Variants in PITPNC1 observed in about 807,000 individuals in gnomAD.
PITPNC1 encodes cytoplasmic phosphatidylinositol transfer protein 1.
Under a neutral mutation model 44.7 loss-of-function variants are expected in PITPNC1, and 18 were observed. The ratio of observed to expected loss-of-function variants is 0.40; its 90% CI spans 0.28 to 0.60. The LOEUF is 0.60. Among genes scored for constraint, PITPNC1 ranks in the 20% least tolerant of loss-of-function variants. The pLI, the probability that PITPNC1 is intolerant of heterozygous loss-of-function variation, is 0.39. For missense variants in PITPNC1, 290 were observed against 418.4 expected (o/e 0.69, Z 2.68); for synonymous variants, 141 against 149.6 (o/e 0.94, Z 0.42).
intron 1 of PITPNC1, among the ~76,000 whole-genome samples, chr17:67,384,424 TTC>T (rs1555645509): frequency 8.7e-6 from 1 of 114,720 alleles, no homozygotes; most frequent in Admixed American, 8.7e-5. Flanking sequence ...GTGTTCCTTG[TTC>T]TCTTTTTTTT....
chr17:67,575,511 C>T lies in PITPNC1; in HGVS notation c.295-2675C>T, dbSNP rs540919346. On this transcript the variant is annotated intron_variant, in intron 4 of 8. Transcript: ENST00000581322. ...GATTAAGACAGATGCGTGCTGAACG[C>T]GTCCTGGCATGTGATGTCAGGAGAA... 1.5e-4 allele frequency among the ~76,000 whole-genome samples: 23 copies of T among 152,250 alleles called. No homozygotes were observed. The East Asian group carries it at 3.9e-3, about 26-fold the overall frequency.
In PITPNC1 at chr17:67,653,274, G is replaced by GA. The variant is rs1465497301; in HGVS notation, c.463-16226dup. Among the ~76,000 whole-genome samples, 5 of 151,508 alleles carry GA rather than the reference G, an allele frequency of 3.3e-5. No individual in the cohort carries two copies. The South Asian group carries it at 6.3e-4, about 19-fold the overall frequency. On this transcript the variant is annotated intron_variant, in intron 6 of 8. Coordinates refer to ENST00000581322, the MANE Select transcript of PITPNC1 (RefSeq NM_012417.4). ...TGACACAGCAAGACTCTGTCTAAAAGAAAAAAAAGGTTGGGGGGAATTTGG... is the reference window on the plus strand; with the variant it reads ...TGACACAGCAAGACTCTGTCTAAAAGAAAAAAAAAGGTTGGGGGGAATTTGG...
intron 1 of PITPNC1, among the ~76,000 whole-genome samples, chr17:67,499,216 G>A (rs146596248): frequency 2.2e-4 from 33 of 151,700 alleles, no homozygotes; most frequent in South Asian, 2.1e-4. Context: ...TCCTTTGCCC[G>A]TTTTTATTTA....
intron 5 of PITPNC1, among the ~76,000 whole-genome samples, chr17:67,599,765 G>C (rs1271383509): frequency 6.6e-6 from 1 of 152,070 alleles, no homozygotes; most frequent in Non-Finnish European, 1.5e-5. Context: ...GAAAAGAATT[G>C]GATCAGAAGG....
chr17:67,677,572 CT>C (rs750613337), intron 8 of PITPNC1, among the ~76,000 whole-genome samples: 314 of 144,100 alleles, frequency 2.2e-3, no homozygotes, highest in African/African-American at 1.7e-3. Flanking sequence ...TTAGGGACTT[CT>C]TTTTTTTTTT....
intron 1 of PITPNC1, among the ~76,000 whole-genome samples, chr17:67,440,047 A>G (rs1028791986): frequency 6.6e-6 from 1 of 152,194 alleles, no homozygotes; most frequent in Non-Finnish European, 1.5e-5. Context: ...CTGTTGGCTT[A>G]ATTCAGGTGA....
chr17:67,534,152 C>T (rs1172824701), intron 2 of PITPNC1, among the ~76,000 whole-genome samples: 1 of 152,066 alleles, frequency 6.6e-6, no homozygotes, highest in Non-Finnish European at 1.5e-5. Flanking sequence ...GCTTCAGCCT[C>T]TCAAAGTGCT....
intron 1 of PITPNC1, among the ~76,000 whole-genome samples, chr17:67,474,672 A>AT (rs1337129386): frequency 2.0e-5 from 3 of 151,892 alleles, no homozygotes; most frequent in Non-Finnish European, 4.4e-5. Flanking sequence ...CTTTATTTTT[A>AT]TTTTTTTGTC....
At chr17:67,636,783 G>A (rs1281143080) in intron 6 of PITPNC1, among the ~76,000 whole-genome samples, 2 of 152,102 alleles carry the variant, frequency 1.3e-5, no homozygotes, top group South Asian at 2.1e-4. Flanking sequence ...CCAGGGACTG[G>A]GAATAAGAGG....
chr17:67,474,179 G>A (rs916272001), intron 1 of PITPNC1, among the ~76,000 whole-genome samples: 7 of 152,112 alleles, frequency 4.6e-5, no homozygotes, highest in Admixed American at 3.9e-4. Context: ...GAGATCCGGA[G>A]GTGGGGGTCT....
At chr17:67,557,043 T>G (rs2040846665) in intron 4 of PITPNC1, among the ~76,000 whole-genome samples, 1 of 152,116 alleles carries the variant, frequency 6.6e-6, no homozygotes, top group African/African-American at 2.4e-5. Flanking sequence ...CTGTGTTAGC[T>G]CATGTTGCTC....
intron 1 of PITPNC1, among the ~76,000 whole-genome samples, chr17:67,502,936 G>A (rs1233417230): frequency 2.6e-5 from 4 of 152,048 alleles, no homozygotes; most frequent in African/African-American, 7.2e-5. Flanking sequence ...TGGGATTACA[G>A]GTGCATGCCA....
Position 67,694,163 on chromosome 17 carries a change from A to T in PITPNC1, c.*1275A>T, listed in dbSNP as rs2042973528. ...GGAGGCAAGGTCACTCACTGAAGTG[A>T]CAGAAAGACAATTCTCCTTTGCTCC... On this transcript the variant is annotated 3_prime_UTR_variant, in exon 9 of 9. Coordinates refer to ENST00000581322, the MANE Select transcript of PITPNC1 (RefSeq NM_012417.4). 6.6e-6 allele frequency: 1 copy of T among 152,214 alleles called. No individual in the cohort carries two copies. Among genetic ancestry groups the T allele is most frequent in the Non-Finnish European group, 1.5e-5 (1 of 68,028 alleles). The allele number at this position is 152,214 out of a possible 1,614,324, so 9.4% of individuals were successfully genotyped here.
intron 1 of PITPNC1, among the ~76,000 whole-genome samples, chr17:67,388,946 CAG>C (rs1255281505): frequency 6.6e-6 from 1 of 152,204 alleles, no homozygotes; most frequent in African/African-American, 2.4e-5. Context: ...ATCACAAACT[CAG>C]TGGCTTACAA....
chr17:67,530,046 G>T (rs1477726919), intron 1 of PITPNC1, among the ~76,000 whole-genome samples: 1 of 151,628 alleles, frequency 6.6e-6, no homozygotes, highest in Non-Finnish European at 1.5e-5. Context: ...TGGAGGCTGT[G>T]GGGTGAGGGA....
chr17:67,393,606 C>A (rs904398819), intron 1 of PITPNC1, among the ~76,000 whole-genome samples: 1 of 152,068 alleles, frequency 6.6e-6, no homozygotes, highest in South Asian at 2.1e-4. Flanking sequence ...TTGCAGCCAG[C>A]GAAATACTTG....
At chr17:67,558,961 C>T (rs1276626882) in intron 4 of PITPNC1, among the ~76,000 whole-genome samples, 1 of 152,114 alleles carries the variant, frequency 6.6e-6, no homozygotes, top group Non-Finnish European at 1.5e-5. Flanking sequence ...ATCAGTCACC[C>T]CAGGTGAACC....
chr17:67,582,079 T>C (rs1455322043), intron 5 of PITPNC1, among the ~76,000 whole-genome samples: 2 of 152,184 alleles, frequency 1.3e-5, no homozygotes, highest in African/African-American at 4.8e-5. Context: ...TCCGTTTCCA[T>C]TCATACTTGT....
At chr17:67,653,724 TC>T (rs56278444) in intron 6 of PITPNC1, among the ~76,000 whole-genome samples, 152,348 of 152,348 alleles carry the variant, frequency 1, 76,174 homozygotes, top group Non-Finnish European at 1. Context: ...TTCATTCCTC[TC>T]CCAATGAATG....
Sources: gnomAD v4.1 joint callset for allele counts (sites outside exome capture counted in the v4.1 genomes callset) on GRCh38, gnomAD v4.1.1 for gene constraint, MANE v1.5 for transcripts, NCBI Gene and HGNC (gene_info 2026-07-23, HGNC 2026-07-21) for gene names.